SIK2: variants seen among roughly 807,000 people sequenced by gnomAD.
SIK2 encodes salt inducible kinase 2.
Under a neutral mutation model 103.2 loss-of-function variants are expected in SIK2, and 29 were observed. The ratio of observed to expected loss-of-function variants is 0.28; its 90% CI spans 0.21 to 0.38. The LOEUF (loss-of-function observed/expected upper bound fraction) is 0.38, where lower values mean the gene tolerates loss of function less well. SIK2 is among the 10% of genes least tolerant of loss of function. The pLI, the probability that SIK2 is intolerant of heterozygous loss-of-function variation, is 1.00. For missense variants in SIK2, 879 were observed against 1,171.0 expected, an observed-to-expected ratio of 0.75 and a Z score of 3.64; for synonymous variants, 412 against 446.1, an observed-to-expected ratio of 0.92 and a Z score of 0.96.
At chr11:111,603,659 T>A (rs1399523092) in intron 1 of SIK2, among the ~76,000 whole-genome samples, 1 of 152,138 alleles carries the variant, frequency 6.6e-6, no homozygotes, top group Non-Finnish European at 1.5e-5. Context: ...TTTTAAGACG[T>A]GCAAATTAAA....
intron 3 of SIK2, among the ~76,000 whole-genome samples, chr11:111,631,986 T>A (rs1171073225): frequency 6.6e-6 from 1 of 152,112 alleles, no homozygotes; most frequent in Non-Finnish European, 1.5e-5. Flanking sequence ...CACAAAGAGT[T>A]GAAGTAGTTT....
Position 111,722,529 on chromosome 11 carries a change from T to C in SIK2, c.2056-136T>C, listed in dbSNP as rs1943833117. 1.2e-6 allele frequency: 1 copy of C among 805,380 alleles called. No individual in the cohort carries two copies. Among genetic ancestry groups the C allele is most frequent in the Non-Finnish European group, 2.0e-6 (1 of 510,370 alleles). 49.9% of individuals were successfully genotyped at this position (805,380 alleles called of 1,614,324 possible). On this transcript the variant is annotated intron_variant, in intron 13 of 14. Coordinates refer to ENST00000304987, the MANE Select transcript of SIK2 (RefSeq NM_015191.3). The surrounding 1 kb of genome is among the most constrained non-coding windows in gnomAD (Gnocchi z 4.4). ...GATGCTCTTTCAGGGTCTCAGGGAG[T>C]AAATGTCAGTCCCTTCACCCCGTGT...
rs950495338 is a variant in SIK2 at position 111,730,216 on chromosome 11, G to A, written c.*6087G>A. 2.0e-5 allele frequency: 3 copies of A among 152,218 alleles called. No individual in the cohort carries two copies. Among genetic ancestry groups the A allele is most frequent in the Non-Finnish European group, 4.4e-5 (3 of 68,052 alleles). The allele number at this position is 152,218 out of a possible 1,614,324, so 9.4% of individuals were successfully genotyped here. The stretch of plus-strand genomic sequence containing the variant: ...AATAGAAGTACAAAACAACATCCTG[G>A]AAACATATGACCCCAGATGGAATAA... On this transcript the variant is annotated 3_prime_UTR_variant, in exon 15 of 15. Transcript: ENST00000304987.
chr11:111,647,583 G>T (rs919886293), intron 3 of SIK2, among the ~76,000 whole-genome samples: 6 of 130,806 alleles, frequency 4.6e-5, no homozygotes, highest in East Asian at 2.2e-4. Context: ...AAAAAAAAAA[G>T]GCTGAACACG....
intron 3 of SIK2, among the ~76,000 whole-genome samples, chr11:111,624,437 A>C (rs1941933561): frequency 6.6e-6 from 1 of 152,236 alleles, no homozygotes; most frequent in Non-Finnish European, 1.5e-5. Flanking sequence ...AATGCCGGCT[A>C]TACCATATTA....
At chr11:111,640,388 T>C (rs1475578239) in intron 3 of SIK2, among the ~76,000 whole-genome samples, 1 of 152,238 alleles carries the variant, frequency 6.6e-6, no homozygotes, top group Admixed American at 6.5e-5. Flanking sequence ...TGCACAATCA[T>C]TTTAAGATAG....
At chr11:111,692,410 G>A (rs1463933715) in intron 4 of SIK2, among the ~76,000 whole-genome samples, 2 of 137,138 alleles carry the variant, frequency 1.5e-5, no homozygotes, top group Non-Finnish European at 3.1e-5. Context: ...GAGAGGGAGA[G>A]AGAGAGATAG....
chr11:111,621,436 TC>T (rs1941884443), intron 3 of SIK2, among the ~76,000 whole-genome samples: 2 of 152,356 alleles, frequency 1.3e-5, no homozygotes, highest in South Asian at 4.1e-4. Flanking sequence ...ACATATAATT[TC>T]TTTTTATTGC....
chr11:111,656,263 G>A (rs1310019718), intron 3 of SIK2, among the ~76,000 whole-genome samples: 1 of 152,028 alleles, frequency 6.6e-6, no homozygotes, highest in Admixed American at 6.6e-5. Flanking sequence ...TCAAAACAGT[G>A]GACCAAGATA....
At chr11:111,624,382 A>C (rs1385502186) in intron 3 of SIK2, among the ~76,000 whole-genome samples, 1 of 152,218 alleles carries the variant, frequency 6.6e-6, no homozygotes, top group East Asian at 1.9e-4. Flanking sequence ...GACTGATGCT[A>C]TAATAGGCTG....
chr11:111,714,780 C>T (rs1490602790), intron 9 of SIK2, among the ~76,000 whole-genome samples: 3 of 152,110 alleles, frequency 2.0e-5, no homozygotes, highest in African/African-American at 7.2e-5. Flanking sequence ...CAGTGTTGAC[C>T]GAAAGGATTT....
chr11:111,618,445 CTA>C (rs777233677), intron 2 of SIK2, among the ~76,000 whole-genome samples: 8 of 152,246 alleles, frequency 5.3e-5, no homozygotes, highest in Non-Finnish European at 1.0e-4. Context: ...GAATGAGAGA[CTA>C]TGATGTGTCA....
intron 3 of SIK2, among the ~76,000 whole-genome samples, chr11:111,648,951 T>C (rs1260265945): frequency 1.3e-5 from 2 of 152,202 alleles, no homozygotes; most frequent in Non-Finnish European, 2.9e-5. Context: ...GTGTGTCTTA[T>C]TGCTGCAGTA....
Position 111,730,530 on chromosome 11 carries a change from T to A in SIK2, c.*6401T>A, listed in dbSNP as rs1264734783. 6.6e-6 allele frequency: 1 copy of A among 152,224 alleles called. No homozygotes were observed. The highest frequency in any genetic ancestry group is 2.4e-5 in the African/African-American group (1 of 41,460). The allele number at this position is 152,224 out of a possible 1,614,324, so 9.4% of individuals were successfully genotyped here. The stretch of plus-strand genomic sequence containing the variant: ...AAGGGAGGTGGGTGGTTTTGCTGGA[T>A]GTTTGGTCTGAAAGAGTTACTTTTG... On this transcript the variant is annotated 3_prime_UTR_variant, in exon 15 of 15. Transcript: ENST00000304987.
At chr11:111,682,241 G>C (rs1464542151) in intron 3 of SIK2, among the ~76,000 whole-genome samples, 1 of 152,126 alleles carries the variant, frequency 6.6e-6, no homozygotes, top group Non-Finnish European at 1.5e-5. Flanking sequence ...AGAAACTATA[G>C]GAGATGGAAG....
At position 111,722,034 on chromosome 11, in the gene SIK2, G is replaced by T; in HGVS notation, c.2055+94G>T. 1.1e-6 allele frequency: 1 copy of T among 950,174 alleles called. No individual in the cohort carries two copies. The highest frequency in any genetic ancestry group is 2.0e-5 in the South Asian group (1 of 51,268). The allele number at this position is 950,174 out of a possible 1,614,324, so 58.9% of individuals were successfully genotyped here. A position where few individuals can be genotyped will look rare whatever the true frequency, so the allele number is the denominator to read the frequency against. On this transcript the variant is annotated intron_variant, in intron 13 of 14. Transcript: ENST00000304987. The surrounding 1 kb of genome is among the most constrained non-coding windows in gnomAD (Gnocchi z 4.4). ...ACGTGTTTTGCCTGGCATTTATTTA[G>T]GGTAGCTGCTTGATTCCTTATAGGC...
intron 3 of SIK2, among the ~76,000 whole-genome samples, chr11:111,681,053 A>G (rs1942771076): frequency 6.6e-6 from 1 of 152,182 alleles, no homozygotes; most frequent in African/African-American, 2.4e-5. Flanking sequence ...TCTTGATAAC[A>G]TTGCAGTGGC....
rs11342742 is a variant in SIK2 at position 111,728,292 on chromosome 11, AT to A, written c.*4177del. 135,134 of 142,500 alleles carry A rather than the reference AT, an allele frequency of 0.95. 64,297 individuals carry two copies. The highest frequency in any genetic ancestry group is 1 in the East Asian group (4,824 of 4,848). 8.8% of individuals were successfully genotyped at this position (142,500 alleles called of 1,614,324 possible). A position where few individuals can be genotyped will look rare whatever the true frequency, so the allele number is the denominator to read the frequency against. ...TTTTGTTGCTTCTGGAATTTATTTA[AT>A]TTTTTTTTTTTTTGAGACAGAGTCT... On this transcript the variant is annotated 3_prime_UTR_variant, in exon 15 of 15. Coordinates refer to ENST00000304987, the MANE Select transcript of SIK2 (RefSeq NM_015191.3).
rs1431456273 is a variant in SIK2 at position 111,728,023 on chromosome 11, C to T, written c.*3894C>T. ...ATACTCCAGGTAACTTTTTCCCATT[C>T]GACCTCCTATAGAGACAATATGCAG... On this transcript the variant is annotated 3_prime_UTR_variant, in exon 15 of 15. Coordinates refer to ENST00000304987, the MANE Select transcript of SIK2 (RefSeq NM_015191.3). The T allele has an allele frequency of 2.6e-5, 4 of 152,194 alleles. No individual in the cohort carries two copies. Among genetic ancestry groups the T allele is most frequent in the African/African-American group, 4.8e-5 (2 of 41,442 alleles). 9.4% of individuals were successfully genotyped at this position (152,194 alleles called of 1,614,324 possible).
Sources: allele counts gnomAD v4.1 joint callset (sites outside exome capture counted in the v4.1 genomes callset), GRCh38; gene constraint gnomAD v4.1.1; non-coding constraint Gnocchi (gnomAD v3.1); transcripts MANE v1.5; gene names NCBI Gene and HGNC (gene_info 2026-07-23, HGNC 2026-07-21).